Variants in INPP4B observed in about 807,000 individuals in gnomAD.
INPP4B encodes inositol polyphosphate-4-phosphatase type II B, also known as inositol polyphosphate 4-phosphatase type II.
INPP4B carries 55 observed loss-of-function variants against 122.5 expected under a neutral mutation model. The observed-to-expected ratio is 0.45, with a 90% CI of 0.36 to 0.56. INPP4B has a LOEUF of 0.56. Ranked by LOEUF, INPP4B falls within the 20% of genes least tolerant of loss-of-function variation. The pLI is 0.00. For missense variants in INPP4B, 1,000 were observed against 1,097.7 expected (o/e 0.91, Z 1.26); for synonymous variants, 403 against 388.7 (o/e 1.04, Z -0.43).
chr4:142,319,702 T>C lies in INPP4B; in HGVS notation c.373-4940A>G, dbSNP rs557628163. 3.9e-5 allele frequency among the ~76,000 whole-genome samples: 6 copies of C among 152,288 alleles called. No homozygotes were observed. In the East Asian group the frequency reaches 1.2e-3, roughly 29 times the overall value. On this transcript the variant is annotated intron_variant, in intron 7 of 25. Coordinates refer to ENST00000262992, the MANE Select transcript of INPP4B (RefSeq NM_001101669.3). The stretch of plus-strand genomic sequence containing the variant: ...TCATTCTTCTTCCAATGGCCATACA[T>C]AAAGGAGTCCAGTCTTTACGTGGTG...
chr4:142,089,480 CAG>C (rs751487351), intron 23 of INPP4B, among the ~76,000 whole-genome samples: 6,011 of 134,518 alleles, frequency 0.045, 149 homozygotes, highest in East Asian at 0.081. Flanking sequence ...CACACACACA[CAG>C]AGAGAGAGAG....
intron 1 of INPP4B, among the ~76,000 whole-genome samples, chr4:142,771,921 C>T (rs186828189): frequency 2.0e-4 from 30 of 152,254 alleles, no homozygotes; most frequent in African/African-American, 6.7e-4. Context: ...CTATGAGCTT[C>T]TCTCTCACTT....
intron 1 of INPP4B, among the ~76,000 whole-genome samples, chr4:142,741,682 A>G (rs1008512893): frequency 2.0e-5 from 3 of 152,048 alleles, no homozygotes; most frequent in Non-Finnish European, 2.9e-5. Context: ...ACAACTTCAG[A>G]GAGGGACTTA....
intron 2 of INPP4B, among the ~76,000 whole-genome samples, chr4:142,563,222 T>G (rs938431797): frequency 1.3e-5 from 2 of 152,216 alleles, no homozygotes; most frequent in Non-Finnish European, 2.9e-5. Context: ...AAAAATGATG[T>G]GTTTTCTTAT....
At chr4:142,425,966 T>A (rs1332959836) in intron 5 of INPP4B, among the ~76,000 whole-genome samples, 1 of 152,046 alleles carries the variant, frequency 6.6e-6, no homozygotes, top group Non-Finnish European at 1.5e-5. Flanking sequence ...TGGCTTGCAT[T>A]GAGTATTAGC....
chr4:142,477,361 A>G (rs930906875), intron 2 of INPP4B, among the ~76,000 whole-genome samples: 4 of 152,136 alleles, frequency 2.6e-5, no homozygotes, highest in Non-Finnish European at 5.9e-5. Context: ...CAAATTAAAA[A>G]TCTAACATCA....
Position 142,108,182 on chromosome 4 carries a change from T to A in INPP4B, c.2285A>T (p.Asp762Val). 6.3e-7 allele frequency: 1 copy of A among 1,581,676 alleles called. No homozygotes were observed. The highest frequency in any genetic ancestry group is 8.7e-7 in the Non-Finnish European group (1 of 1,152,504). ...EQQTLAERFG[D>V]VSLQESINQE... ...ATTAATACTTTCTTGCAAAGAGACA[T>A]CTCCAAACCTACAAACAGAAAAAAG... The change falls in exon 23 of 26, where the codon GAT (aspartate) becomes GTT (valine). Residue 762 changes from aspartate (D) to valine (V), a missense_variant. Coordinates refer to ENST00000262992, the MANE Select transcript of INPP4B (RefSeq NM_001101669.3).
At chr4:142,395,434 A>C (rs1024902507) in intron 7 of INPP4B, among the ~76,000 whole-genome samples, 31 of 152,218 alleles carry the variant, frequency 2.0e-4, no homozygotes, top group African/African-American at 6.8e-4. Flanking sequence ...TGTTTAACTC[A>C]TCAGGAAACC....
At chr4:142,590,348 T>G (rs539782199) in intron 2 of INPP4B, among the ~76,000 whole-genome samples, 2 of 152,302 alleles carry the variant, frequency 1.3e-5, no homozygotes, top group African/African-American at 2.4e-5. Flanking sequence ...TAAAACAACT[T>G]CACTGAAGAG....
chr4:142,716,429 C>A (rs1763773530), intron 2 of INPP4B, among the ~76,000 whole-genome samples: 1 of 152,140 alleles, frequency 6.6e-6, no homozygotes, highest in African/African-American at 2.4e-5. Context: ...TATCTTGGCT[C>A]TTTCTTATCT....
intron 8 of INPP4B, among the ~76,000 whole-genome samples, chr4:142,309,535 G>A (rs1168046877): frequency 6.6e-6 from 1 of 152,166 alleles, no homozygotes; most frequent in African/African-American, 2.4e-5. Context: ...GCCTCTAAGA[G>A]TAAACTGGCT....
At chr4:142,326,088 A>C (rs936246264) in intron 7 of INPP4B, among the ~76,000 whole-genome samples, 7 of 152,212 alleles carry the variant, frequency 4.6e-5, no homozygotes, top group Admixed American at 1.3e-4. Flanking sequence ...TTTCTAAAAC[A>C]TAAGAGATTC....
chr4:142,497,166 A>G (rs1307810849), intron 2 of INPP4B, among the ~76,000 whole-genome samples: 1 of 152,032 alleles, frequency 6.6e-6, no homozygotes, highest in Non-Finnish European at 1.5e-5. Context: ...ATGCCCACAT[A>G]AAATAGGCCT....
Position 142,260,536 on chromosome 4 carries a change from G to A in INPP4B, c.644C>T (p.Pro215Leu), listed in dbSNP as rs766348198. The change falls in exon 11 of 26, where the codon CCG becomes CTG. Residue 215 changes from proline to leucine, a missense_variant. Physicochemically the swap from Pro to Leu is moderately conservative, Grantham distance 98. Coordinates refer to ENST00000262992, the MANE Select transcript of INPP4B (RefSeq NM_001101669.3). ...KCALVCECTAPESVSGKDNLP... is the reference protein window; with the variant it reads ...KCALVCECTALESVSGKDNLP... ...GTTATCTTTTCCGCTCACACTTTCC[G>A]GGGCTGTACATTCACATACCAGGGC... 66 of 1,608,612 alleles carry A rather than the reference G, an allele frequency of 4.1e-5. 1 individual carries two copies. In the South Asian group the frequency reaches 5.1e-4, roughly 12 times the overall value.
At chr4:142,708,315 G>A (rs1328872030) in intron 2 of INPP4B, among the ~76,000 whole-genome samples, 1 of 152,176 alleles carries the variant, frequency 6.6e-6, no homozygotes, top group Middle Eastern at 3.2e-3. Flanking sequence ...ATTTTCTGGG[G>A]AGGAAATCAA....
In INPP4B at chr4:142,173,065, A is replaced by T. The variant is rs375715883; in HGVS notation, c.1359+567T>A. 3.1e-4 allele frequency among the ~76,000 whole-genome samples: 47 copies of T among 152,070 alleles called. 3 individuals are homozygous for T. The South Asian group carries it at 9.7e-3, about 32-fold the overall frequency. ...TCTCCTTTCTGCAGATAAAGGAACA[A>T]GTCACCTTTGGAAAAACTAAGGCTT... On this transcript the variant is annotated intron_variant, in intron 16 of 25. Transcript: ENST00000262992.
chr4:142,116,066 A>G (rs962079951), intron 21 of INPP4B, among the ~76,000 whole-genome samples: 2 of 152,238 alleles, frequency 1.3e-5, no homozygotes, highest in East Asian at 1.9e-4. Flanking sequence ...AGACAAAGAA[A>G]GCCATTACAT....
At chr4:142,639,244 T>G (rs1274882042) in intron 2 of INPP4B, among the ~76,000 whole-genome samples, 1 of 152,156 alleles carries the variant, frequency 6.6e-6, no homozygotes, top group African/African-American at 2.4e-5. Context: ...TGTAATATCT[T>G]TGGCTTTAAT....
chr4:142,477,196 C>A (rs1433799364), intron 2 of INPP4B, among the ~76,000 whole-genome samples: 2 of 152,120 alleles, frequency 1.3e-5, no homozygotes, highest in Non-Finnish European at 2.9e-5. Context: ...CCTAAATGAC[C>A]TTTTGGTAAC....
Sources: allele counts gnomAD v4.1 joint callset (sites outside exome capture counted in the v4.1 genomes callset), GRCh38; gene constraint gnomAD v4.1.1; transcripts MANE v1.5; gene names NCBI Gene and HGNC (gene_info 2026-07-23, HGNC 2026-07-21).